The following CDC20B variants were observed in gnomAD, a reference collection of about 807,000 sequenced individuals.
CDC20B encodes the protein cell division cycle protein 20 homolog B.
Under a neutral mutation model 64.1 loss-of-function variants are expected in CDC20B, and 58 were observed. The ratio of observed to expected loss-of-function variants is 0.90; its 90% CI spans 0.73 to 1.13. The LOEUF (loss-of-function observed/expected upper bound fraction) is 1.13. Among genes scored for constraint, CDC20B ranks in the 50% most tolerant of loss-of-function variants. CDC20B has a pLI of 0.00. For missense variants in CDC20B, 597 were observed against 633.0 expected (o/e 0.94, Z 0.61); for synonymous variants, 243 against 230.6 (o/e 1.05, Z -0.49).
chr5:55,155,893 T>C (rs1389028540), intron 2 of CDC20B, among the ~76,000 whole-genome samples: 1 of 152,208 alleles, frequency 6.6e-6, no homozygotes, highest in African/African-American at 2.4e-5. Context: ...GTGTTCTCCA[T>C]GCCTTCCCCT....
At position 55,146,616 on chromosome 5, in the gene CDC20B, G is replaced by A; in HGVS notation, c.355+12C>T. ...GTTGCAAAACGGGGCTGTGGCGTTT[G>A]GGGCACCTCACCTAGAGTCAAGGTC... On this transcript the variant is annotated intron_variant, in intron 3 of 11. Transcript: ENST00000381375. 1 of 1,599,474 alleles carries A rather than the reference G, an allele frequency of 6.3e-7. No homozygotes were observed. The highest frequency in any genetic ancestry group is 8.6e-7 in the Non-Finnish European group (1 of 1,167,254).
intron 2 of CDC20B, among the ~76,000 whole-genome samples, chr5:55,149,078 C>A (rs1365584007): frequency 5.3e-5 from 8 of 152,168 alleles, no homozygotes; most frequent in Non-Finnish European, 1.0e-4. Flanking sequence ...ACTGACTAGG[C>A]AAACTAACAG....
rs1471117484 is a variant in CDC20B at position 55,127,347 on chromosome 5, CA to C, written c.898del (p.Trp300GlyfsTer4). 3.1e-6 allele frequency: 5 copies of C among 1,613,246 alleles called. No individual in the cohort carries two copies. The highest frequency in any genetic ancestry group is 3.4e-6 in the Non-Finnish European group (4 of 1,179,384). ...CAGCCGCTTTTTAGTTACCACATCCCATAACTGAAAAAATGAACAAGGAGAG... is the reference window on the plus strand; with the variant it reads ...CAGCCGCTTTTTAGTTACCACATCCCTAACTGAAAAAATGAACAAGGAGAG... ...VGTSEGEVQLWDVVTKKRLRN... is the reference protein window; with the variant it reads ...VGTSEGEVQLXDVVTKKRLRN... On this transcript the variant is annotated frameshift_variant, in exon 8 of 12. Transcript: ENST00000381375. LOFTEE classifies it high-confidence loss of function.
Position 55,173,171 on chromosome 5 carries a change from C to T in CDC20B, c.-171G>A, listed in dbSNP as rs543160809. On this transcript the variant is annotated 5_prime_UTR_variant, in exon 1 of 12. Transcript: ENST00000381375. ...TCCAGGTCCCCCACTCCTCCCACCG[C>T]CGCTGCAAGGTGTTCCCCAGGGTAC... 2 of 594,068 alleles carry T rather than the reference C, an allele frequency of 3.4e-6. No homozygotes were observed. Among genetic ancestry groups the T allele is most frequent in the African/African-American group, 1.9e-5 (1 of 53,406 alleles). The allele number at this position is 594,068 out of a possible 1,614,324, so 36.8% of individuals were successfully genotyped here.
intron 5 of CDC20B, among the ~76,000 whole-genome samples, chr5:55,138,498 C>T (rs1743244238): frequency 6.6e-6 from 1 of 152,036 alleles, no homozygotes. Flanking sequence ...TACTCTTTAA[C>T]CTACGAAAGG....
At chr5:55,172,708 A>T (rs907505340) in intron 1 of CDC20B, 58 bp from the exon 2 acceptor site, 1 of 1,332,582 alleles carries the variant, frequency 7.5e-7, no homozygotes, top group South Asian at 1.2e-5. Flanking sequence ...TCATAATTTC[A>T]GGTGTGGAAT....
At chr5:55,132,900 C>G (rs951763058) in intron 6 of CDC20B, among the ~76,000 whole-genome samples, 3 of 152,152 alleles carry the variant, frequency 2.0e-5, no homozygotes, top group East Asian at 1.9e-4. Flanking sequence ...CTTCCAAGAC[C>G]CAGCTTAAGT....
intron 3 of CDC20B, among the ~76,000 whole-genome samples, chr5:55,145,388 T>C (rs192924825): frequency 6.8e-4 from 104 of 152,366 alleles, no homozygotes; most frequent in African/African-American, 2.4e-3. Context: ...TTGGCACTTC[T>C]ATTAACATTT....
Position 55,167,833 on chromosome 5 carries a change from C to T in CDC20B, c.126+4755G>A, listed in dbSNP as rs189088390. On this transcript the variant is annotated intron_variant, in intron 2 of 11. Coordinates refer to ENST00000381375, the MANE Select transcript of CDC20B (RefSeq NM_001170402.1). ...GAGCCGACATGGCTCCACTGAACTC[C>T]AGGCTGGGCAACAGAGCGAGACCCC... Among the ~76,000 whole-genome samples, 81 of 152,198 alleles carry T rather than the reference C, an allele frequency of 5.3e-4. No homozygotes were observed. The East Asian group carries it at 8.7e-3, about 16-fold the overall frequency.
chr5:55,136,213 T>G (rs774513616), intron 5 of CDC20B, among the ~76,000 whole-genome samples: 1 of 151,280 alleles, frequency 6.6e-6, no homozygotes, highest in Non-Finnish European at 1.5e-5. Flanking sequence ...CCCAAAGTGC[T>G]GGGATTATAG....
chr5:55,115,865 C>T (rs975535878), intron 11 of CDC20B, among the ~76,000 whole-genome samples: 9 of 152,190 alleles, frequency 5.9e-5, no homozygotes, highest in African/African-American at 7.2e-5. Flanking sequence ...TGCCTGTCCA[C>T]GTGCATGCGC....
At chr5:55,151,573 G>T (rs1743668673) in intron 2 of CDC20B, among the ~76,000 whole-genome samples, 1 of 152,176 alleles carries the variant, frequency 6.6e-6, no homozygotes, top group African/African-American at 2.4e-5. Context: ...AATAATAATT[G>T]GATGCTATGT....
At chr5:55,141,269 T>C (rs1743321405) in intron 4 of CDC20B, among the ~76,000 whole-genome samples, 1 of 152,212 alleles carries the variant, frequency 6.6e-6, no homozygotes, top group Non-Finnish European at 1.5e-5. Context: ...TGGCTCTCCC[T>C]TGCCTTCAGG....
intron 2 of CDC20B, among the ~76,000 whole-genome samples, chr5:55,171,116 C>G (rs1053957994): frequency 5.9e-5 from 9 of 152,162 alleles, no homozygotes; most frequent in African/African-American, 1.4e-4. Flanking sequence ...AAGTTCAAGA[C>G]CAGCCTGGCC....
chr5:55,167,707 C>G lies in CDC20B; in HGVS notation c.126+4881G>C, dbSNP rs541999791. 7.2e-5 allele frequency among the ~76,000 whole-genome samples: 11 copies of G among 152,066 alleles called. No homozygotes were observed. The South Asian group carries it at 2.3e-3, about 32-fold the overall frequency. On this transcript the variant is annotated intron_variant, in intron 2 of 11. Coordinates refer to ENST00000381375, the MANE Select transcript of CDC20B (RefSeq NM_001170402.1). The stretch of plus-strand genomic sequence containing the variant: ...AAAACCCTGTCTCCACAAAAAAAAT[C>G]AAAAAATTAGCTGGGTGTAGTGGCA...
intron 2 of CDC20B, chr5:55,165,851 GC>G (rs952675792): frequency 6.6e-6 from 1 of 152,198 alleles, no homozygotes; most frequent in Non-Finnish European, 1.5e-5. Flanking sequence ...GGAATAAAAA[GC>G]CCTTTGCAAC....
chr5:55,161,137 C>T, intron 2 of CDC20B: 1 of 1,614,176 alleles, frequency 6.2e-7, no homozygotes, highest in Non-Finnish European at 8.5e-7. Context: ...AATCGGAGCC[C>T]CGCCCAAGCA....
At chr5:55,144,169 C>A (rs1246352596) in intron 3 of CDC20B, among the ~76,000 whole-genome samples, 1 of 152,108 alleles carries the variant, frequency 6.6e-6, no homozygotes, top group Non-Finnish European at 1.5e-5. Flanking sequence ...TAATCATGAG[C>A]AAATCACTTT....
chr5:55,160,903 C>T, intron 2 of CDC20B: 1 of 1,312,638 alleles, frequency 7.6e-7, no homozygotes, highest in East Asian at 2.4e-5. Flanking sequence ...GTTATAGTCC[C>T]CCCCAAATTG....
Sources: allele counts gnomAD v4.1 joint callset (sites outside exome capture counted in the v4.1 genomes callset), GRCh38; gene constraint gnomAD v4.1.1; transcripts MANE v1.5; gene names NCBI Gene and HGNC (gene_info 2026-07-23, HGNC 2026-07-21).